Variants in NTM observed in about 807,000 individuals in gnomAD.
NTM encodes the protein IgLON family member 2.
A neutral mutation model predicts 42.1 loss-of-function variants in NTM; 13 were observed. That is an observed-to-expected ratio of 0.31 (90% CI 0.20 to 0.49). The LOEUF is 0.49. NTM is among the 20% of genes least tolerant of loss of function. NTM has a pLI of 0.99. For synonymous variants in NTM, 187 were observed against 179.2 expected (o/e 1.04, Z -0.35); for missense variants, 373 against 452.8 (o/e 0.82, Z 1.60).
intron 1 of NTM, among the ~76,000 whole-genome samples, chr11:131,456,916 C>A (rs1044172018): frequency 6.6e-6 from 1 of 152,190 alleles, no homozygotes; most frequent in Non-Finnish European, 1.5e-5. Context: ...CTTGAAATGT[C>A]TCCTCAGTTC....
intron 3 of NTM, among the ~76,000 whole-genome samples, chr11:132,172,973 A>G (rs892677272): frequency 4.6e-5 from 7 of 152,234 alleles, no homozygotes; most frequent in Non-Finnish European, 7.3e-5. Flanking sequence ...AAGGACCAGT[A>G]TAAAAAGTCA....
At chr11:132,268,479 T>G (rs958161735) in intron 4 of NTM, among the ~76,000 whole-genome samples, 3 of 152,222 alleles carry the variant, frequency 2.0e-5, no homozygotes, top group Admixed American at 2.0e-4. Context: ...TATTTTTGTT[T>G]TAGAAGTTTG....
chr11:131,418,874 C>T (rs1947220298), intron 1 of NTM, among the ~76,000 whole-genome samples: 2 of 152,296 alleles, frequency 1.3e-5, no homozygotes, highest in South Asian at 2.1e-4. Flanking sequence ...GTACTCCACA[C>T]CAAATCTCCT....
chr11:131,908,253 C>T (rs2054152051), intron 1 of NTM, among the ~76,000 whole-genome samples: 1 of 152,230 alleles, frequency 6.6e-6, no homozygotes, highest in Admixed American at 6.5e-5. Flanking sequence ...GAATTATTTT[C>T]TTGCCCAGAC....
At chr11:131,515,332 C>A (rs1374797196) in intron 1 of NTM, among the ~76,000 whole-genome samples, 1 of 152,158 alleles carries the variant, frequency 6.6e-6, no homozygotes, top group Non-Finnish European at 1.5e-5. Context: ...GTGCCCAGAA[C>A]TCAGCGTGGG....
chr11:131,979,906 G>A (rs531324316), intron 2 of NTM, among the ~76,000 whole-genome samples: 3 of 152,246 alleles, frequency 2.0e-5, no homozygotes, highest in Admixed American at 6.5e-5. Flanking sequence ...TTCTCTATAG[G>A]GAGCTCCTTG....
chr11:131,991,120 C>G (rs1418873327), intron 2 of NTM, among the ~76,000 whole-genome samples: 1 of 152,158 alleles, frequency 6.6e-6, no homozygotes, highest in Non-Finnish European at 1.5e-5. Context: ...GCCATTCTAA[C>G]TACTGAGGAG....
At chr11:132,000,673 A>G (rs2069036937) in intron 2 of NTM, among the ~76,000 whole-genome samples, 1 of 152,172 alleles carries the variant, frequency 6.6e-6, no homozygotes, top group Non-Finnish European at 1.5e-5. Flanking sequence ...TTCATCTTGC[A>G]TTTATTTGTT....
intron 1 of NTM, among the ~76,000 whole-genome samples, chr11:131,696,001 G>A (rs2075396470): frequency 6.6e-6 from 1 of 152,186 alleles, no homozygotes; most frequent in Non-Finnish European, 1.5e-5. Flanking sequence ...GACGTGTGGT[G>A]CAGAAAGGTG....
chr11:132,079,916 G>C (rs1372606536), intron 2 of NTM, among the ~76,000 whole-genome samples: 2 of 152,164 alleles, frequency 1.3e-5, no homozygotes, highest in Non-Finnish European at 2.9e-5. Flanking sequence ...ATAGGGCAGT[G>C]TTCCATCTCT....
At chr11:131,524,390 A>C (rs969396561) in intron 1 of NTM, among the ~76,000 whole-genome samples, 1 of 151,980 alleles carries the variant, frequency 6.6e-6, no homozygotes, top group Non-Finnish European at 1.5e-5. Context: ...CTTCTGCTGC[A>C]CTCTGTTAGT....
intron 3 of NTM, among the ~76,000 whole-genome samples, chr11:132,162,636 TG>T (rs2074556975): frequency 6.7e-6 from 1 of 149,536 alleles, no homozygotes; most frequent in African/African-American, 2.5e-5. Flanking sequence ...TGTATGTGTG[TG>T]GGGCATGTGT....
chr11:131,637,591 A>T (rs572576760), intron 1 of NTM, among the ~76,000 whole-genome samples: 11 of 151,450 alleles, frequency 7.3e-5, no homozygotes, highest in Non-Finnish European at 1.6e-4. Context: ...CCCAAGGCTG[A>T]TAAGTGGCAA....
chr11:131,762,637 G>A (rs914850184), intron 1 of NTM, among the ~76,000 whole-genome samples: 1 of 152,230 alleles, frequency 6.6e-6, no homozygotes, highest in Admixed American at 6.5e-5. Flanking sequence ...TCCTGAGGCC[G>A]TCCTTTTCCA....
chr11:131,386,542 T>C (rs1373863642), intron 1 of NTM, among the ~76,000 whole-genome samples: 1 of 152,236 alleles, frequency 6.6e-6, no homozygotes, highest in African/African-American at 2.4e-5. Flanking sequence ...AGGAGGCAGG[T>C]AAATGTGTAA....
chr11:131,891,399 G>T (rs2137505494), intron 1 of NTM, among the ~76,000 whole-genome samples: 1 of 152,260 alleles, frequency 6.6e-6, no homozygotes, highest in Middle Eastern at 3.4e-3. Context: ...CACAAGTTGG[G>T]GAAAGCACTT....
At chr11:131,777,589 G>A (rs573889926) in intron 1 of NTM, among the ~76,000 whole-genome samples, 4 of 151,656 alleles carry the variant, frequency 2.6e-5, no homozygotes, top group African/African-American at 9.7e-5. Flanking sequence ...CAGAAAAATG[G>A]CATAACAAAG....
chr11:131,923,755 A>T (rs1299861613), intron 2 of NTM, among the ~76,000 whole-genome samples: 2 of 152,214 alleles, frequency 1.3e-5, no homozygotes, highest in African/African-American at 2.4e-5. Context: ...TTCAATGTCC[A>T]ATCTTTCATG....
intron 2 of NTM, among the ~76,000 whole-genome samples, chr11:131,972,395 A>G (rs2134713612): frequency 6.6e-6 from 1 of 152,134 alleles, no homozygotes; most frequent in African/African-American, 2.4e-5. Context: ...AACAAATAAT[A>G]ATTTCTTTTT....
Sources: allele counts gnomAD v4.1 joint callset (sites outside exome capture counted in the v4.1 genomes callset), GRCh38; gene constraint gnomAD v4.1.1; transcripts MANE v1.5; gene names NCBI Gene and HGNC (gene_info 2026-07-23, HGNC 2026-07-21).